NOL4L: variants seen among roughly 807,000 people sequenced by gnomAD.
The protein encoded by NOL4L is nucleolar protein 4 like.
Under a neutral mutation model 64.5 loss-of-function variants are expected in NOL4L, and 7 were observed. The ratio of observed to expected loss-of-function variants is 0.11; its 90% CI spans 0.06 to 0.20. NOL4L has a LOEUF of 0.20. Ranked by LOEUF, NOL4L falls within the 10% of genes least tolerant of loss-of-function variation. The probability of loss-of-function intolerance (pLI) is 1.00; values close to 1 mark genes in which losing one functional copy is unlikely to be tolerated. For synonymous variants in NOL4L, 413 were observed against 401.0 expected (o/e 1.03, Z -0.36); for missense variants, 680 against 967.1 (o/e 0.70, Z 3.94).
intron 1 of NOL4L, among the ~76,000 whole-genome samples, chr20:32,577,362 G>A (rs1029716336): frequency 6.6e-6 from 1 of 152,216 alleles, no homozygotes; most frequent in East Asian, 1.9e-4. Flanking sequence ...GCCCTCCAGC[G>A]CCCTTCCTTG....
At chr20:32,502,838 G>C (rs2016979775) in intron 4 of NOL4L, among the ~76,000 whole-genome samples, 1 of 152,100 alleles carries the variant, frequency 6.6e-6, no homozygotes, top group Admixed American at 6.5e-5. Flanking sequence ...TTGAACTTGA[G>C]AGCAGAGGTT....
chr20:32,474,242 C>T (rs547754288), intron 5 of NOL4L, among the ~76,000 whole-genome samples: 29 of 152,366 alleles, frequency 1.9e-4, no homozygotes, highest in Middle Eastern at 3.4e-3. Flanking sequence ...TGCTGGGCAG[C>T]GGAACTGCTC....
At chr20:32,512,256 A>AAT (rs1168071483) in intron 3 of NOL4L, among the ~76,000 whole-genome samples, 3 of 152,166 alleles carry the variant, frequency 2.0e-5, no homozygotes, top group African/African-American at 7.2e-5. Flanking sequence ...AGTATCAATT[A>AAT]TGATACTTGC....
intron 4 of NOL4L, 25 bp from the exon 5 acceptor site, chr20:32,474,767 C>A (rs2015272331): frequency 1.9e-6 from 3 of 1,583,442 alleles, no homozygotes; most frequent in East Asian, 4.6e-5. Context: ...AGAAGGTGGG[C>A]ATTCAGCAGG....
At chr20:32,558,408 G>A (rs1274071364) in intron 1 of NOL4L, among the ~76,000 whole-genome samples, 2 of 152,220 alleles carry the variant, frequency 1.3e-5, no homozygotes, top group African/African-American at 2.4e-5. Context: ...CGTCATGGGA[G>A]CCCCAGGGTG....
chr20:32,447,948 T>G, intron 10 of NOL4L, 132 bp from the exon 11 acceptor site: 1 of 1,216,716 alleles, frequency 8.2e-7, no homozygotes, highest in Non-Finnish European at 1.1e-6. Context: ...TCCGTGGCTC[T>G]GGTCCATCTC....
intron 1 of NOL4L, among the ~76,000 whole-genome samples, chr20:32,583,099 G>C (rs1215330652): frequency 6.6e-6 from 1 of 152,074 alleles, no homozygotes; most frequent in Non-Finnish European, 1.5e-5. Context: ...CCCTGTTCCC[G>C]GTCCGGCCGG....
chr20:32,494,253 G>GAAAAAAAAAA (rs566317193), intron 4 of NOL4L, among the ~76,000 whole-genome samples: 2 of 22,064 alleles, frequency 9.1e-5, no homozygotes, highest in African/African-American at 1.4e-4. Flanking sequence ...ATAATCTCGG[G>GAAAAAAAAAA]AAAAAAAAAA....
At chr20:32,527,680 A>AGCCC in intron 2 of NOL4L, 78 bp downstream of exon 2, 2 of 1,464,444 alleles carry the variant, frequency 1.4e-6, no homozygotes, top group Non-Finnish European at 1.8e-6. Context: ...CCGCCCCCCA[A>AGCCC]GCCCAACATG....
At chr20:32,485,027 C>T (rs2015996873) in intron 4 of NOL4L, among the ~76,000 whole-genome samples, 1 of 121,074 alleles carries the variant, frequency 8.3e-6, no homozygotes. Context: ...GGATGGGGAA[C>T]TGCCCTCGTG....
Position 32,556,780 on chromosome 20 carries a change from T to G in NOL4L, c.321+27790A>C, listed in dbSNP as rs115682299. Among the ~76,000 whole-genome samples the G allele has an allele frequency of 8.6e-3, 1,311 of 152,296 alleles. 17 individuals carry two copies. The highest frequency in any genetic ancestry group is 0.029 in the African/African-American group (1,192 of 41,572). On this transcript the variant is annotated intron_variant, in intron 1 of 10. Coordinates refer to ENST00000621426, the MANE Select transcript of NOL4L (RefSeq NM_001256798.2). ...GGGCCTGGCAGAGGTCCTGGGCCTC[T>G]GCCACTGAGAGCACGTGACCTGCCC...
intron 4 of NOL4L, among the ~76,000 whole-genome samples, chr20:32,480,908 G>A (rs999115122): frequency 2.6e-5 from 4 of 152,140 alleles, no homozygotes; most frequent in Admixed American, 6.5e-5. Flanking sequence ...CAGCCTTCCA[G>A]CACTCCCTGC....
rs547164946 is a variant in NOL4L at position 32,565,401 on chromosome 20, G to A, written c.321+19169C>T. Among the ~76,000 whole-genome samples, 7 of 152,308 alleles carry A rather than the reference G, an allele frequency of 4.6e-5. No individual in the cohort carries two copies. In the East Asian group the frequency reaches 5.8e-4, roughly 13 times the overall value. ...AAGCTGTGCCTTACAAAACCTGGTC[G>A]GGGACCACAAATCTGCAAGGCGCTA... On this transcript the variant is annotated intron_variant, in intron 1 of 10. Coordinates refer to ENST00000621426, the MANE Select transcript of NOL4L (RefSeq NM_001256798.2).
chr20:32,491,054 C>T (rs1217829701), intron 4 of NOL4L, among the ~76,000 whole-genome samples: 1 of 152,178 alleles, frequency 6.6e-6, no homozygotes, highest in Non-Finnish European at 1.5e-5. Flanking sequence ...ATGTACAGAG[C>T]CACTACCACA....
chr20:32,514,633 A>G (rs2145562551), intron 3 of NOL4L, among the ~76,000 whole-genome samples: 1 of 152,104 alleles, frequency 6.6e-6, no homozygotes, highest in Admixed American at 6.6e-5. Flanking sequence ...CCAAACTCAA[A>G]TGGGTTTCCA....
intron 4 of NOL4L, among the ~76,000 whole-genome samples, chr20:32,482,348 G>A (rs570698920): frequency 1.8e-4 from 27 of 152,278 alleles, no homozygotes; most frequent in Non-Finnish European, 2.9e-4. Flanking sequence ...CAGGAATAAT[G>A]CTAATTAGCG....
In NOL4L at chr20:32,501,390, C is replaced by T. The variant is rs560419408; in HGVS notation, c.699+9957G>A. Among the ~76,000 whole-genome samples the T allele has an allele frequency of 9.2e-5, 14 of 152,236 alleles. No homozygotes were observed. In the South Asian group the frequency reaches 2.9e-3, roughly 32 times the overall value. On this transcript the variant is annotated intron_variant, in intron 4 of 10. Coordinates refer to ENST00000621426, the MANE Select transcript of NOL4L (RefSeq NM_001256798.2). ...CAAAGCCCAAAGAAGACTAAAGGGA[C>T]ATGACAATTAAATGGAATTAAATGT...
chr20:32,579,892 G>A (rs2145626962), intron 1 of NOL4L, among the ~76,000 whole-genome samples: 1 of 151,870 alleles, frequency 6.6e-6, no homozygotes, highest in South Asian at 2.1e-4. Context: ...GACAACAGAG[G>A]CATCCTCCCT....
At position 32,453,552 on chromosome 20, in the gene NOL4L, C is replaced by G. The variant is rs374489078; in HGVS notation, c.1305+24G>C. On this transcript the variant is annotated intron_variant, in intron 7 of 10. Transcript: ENST00000621426. This position sits in a 1 kb window ranked among gnomAD's most constrained non-coding sequence, Gnocchi z 5.6. ...CCCTGGCCTTGCCCCCATCCCACCC[C>G]ACCTGTTTCCGGCCGGTGCTCACGT... 6.2e-7 allele frequency: 1 copy of G among 1,613,614 alleles called. No individual in the cohort carries two copies. Among genetic ancestry groups the G allele is most frequent in the African/African-American group, 1.3e-5 (1 of 74,922 alleles).
Sources: allele counts gnomAD v4.1 joint callset (sites outside exome capture counted in the v4.1 genomes callset), GRCh38; gene constraint gnomAD v4.1.1; non-coding constraint Gnocchi (gnomAD v3.1); transcripts MANE v1.5; gene names NCBI Gene and HGNC (gene_info 2026-07-23, HGNC 2026-07-21).